APOB: variants seen among roughly 807,000 people sequenced by gnomAD.
The protein encoded by APOB is apolipoprotein B-100.
APOB carries 153 observed loss-of-function variants against 314.1 expected under a neutral mutation model. The ratio of observed to expected loss-of-function variants is 0.49; its 90% CI spans 0.43 to 0.56. The LOEUF is 0.56. Among genes scored for constraint, APOB ranks in the 20% least tolerant of loss-of-function variants. APOB has a pLI of 0.00. For synonymous variants in APOB, 2,087 were observed against 2,036.4 expected, an observed-to-expected ratio of 1.02 and a Z score of -0.67; for missense variants, 5,430 against 5,350.7, an observed-to-expected ratio of 1.01 and a Z score of -0.46.
chr2:21,035,683 C>A lies in APOB; in HGVS notation c.719G>T (p.Ser240Ile). 1 of 1,614,064 alleles carries A rather than the reference C, an allele frequency of 6.2e-7. No homozygotes were observed. The highest frequency in any genetic ancestry group is 8.5e-7 in the Non-Finnish European group (1 of 1,180,020). ...GMTRPLSTLI[S>I]SSQSCQYTLD... The stretch of plus-strand genomic sequence containing the variant: ...TGTGTACTGACAGGACTGGCTGCTG[C>A]TGATCAGAGTTGACAAGGGGCGGGT... The change falls in exon 7 of 29, where the codon AGC becomes ATC. Residue 240 changes from serine to isoleucine, a missense_variant. Transcript: ENST00000233242.
rs967949278 is a variant in APOB at position 21,013,414 on chromosome 2, A to G, written c.3962T>C (p.Leu1321Pro). ...KMLETVRTPA[L>P]HFKSVGFHLP... ...ATGGAATCCCACAGACTTGAAGTGGAGGGCTGGTGTCCTAACAGTCTCTAA... is the reference window on the plus strand; with the variant it reads ...ATGGAATCCCACAGACTTGAAGTGGGGGGCTGGTGTCCTAACAGTCTCTAA... Residue 1321 changes from leucine (L) to proline (P), a missense_variant, in exon 25 of 29, where the codon CTC (leucine) becomes CCC (proline). Coordinates refer to ENST00000233242, the MANE Select transcript of APOB (RefSeq NM_000384.3). 3.1e-6 allele frequency: 5 copies of G among 1,614,220 alleles called. No homozygotes were observed. Among genetic ancestry groups the G allele is most frequent in the Non-Finnish European group, 4.2e-6 (5 of 1,180,044 alleles).
intron 18 of APOB, among the ~76,000 whole-genome samples, chr2:21,020,716 A>G (rs1331045176): frequency 3.3e-5 from 5 of 152,244 alleles, no homozygotes; most frequent in African/African-American, 1.2e-4. Context: ...TTTCTTTGAA[A>G]TAGCACATTT....
chr2:21,013,814 C>A (rs1413606280), intron 24 of APOB, among the ~76,000 whole-genome samples: 3 of 152,178 alleles, frequency 2.0e-5, no homozygotes, highest in Non-Finnish European at 1.5e-5. Flanking sequence ...TCCCTTGCAC[C>A]TTTCTCAAAG....
At chr2:21,017,079 G>A (rs1663498070) in intron 20 of APOB, among the ~76,000 whole-genome samples, 2 of 151,410 alleles carry the variant, frequency 1.3e-5, no homozygotes. Context: ...AGAGGAAAAG[G>A]TAGAGAAACT....
intron 28 of APOB, 48 bp from the exon 29 acceptor site, chr2:21,003,382 T>A: frequency 6.6e-7 from 1 of 1,507,632 alleles, no homozygotes; most frequent in Non-Finnish European, 9.1e-7. Flanking sequence ...TTACTCCAAT[T>A]ACACAATATA....
chr2:21,015,584 C>A, intron 21 of APOB, 39 bp from the exon 22 acceptor site: 1 of 1,597,562 alleles, frequency 6.3e-7, no homozygotes, highest in South Asian at 1.1e-5. Flanking sequence ...ATGATTTTGT[C>A]CTTTCAATGG....
At chr2:21,022,052 C>A (rs189988265) in intron 18 of APOB, among the ~76,000 whole-genome samples, 1 of 152,186 alleles carries the variant, frequency 6.6e-6, no homozygotes, top group Admixed American at 6.5e-5. Flanking sequence ...AACTCTTGGG[C>A]TCAGTTGATC....
chr2:21,044,024 A>G lies in APOB; in HGVS notation c.-79T>C, dbSNP rs535018963. 148 of 719,506 alleles carry G rather than the reference A, an allele frequency of 2.1e-4. 2 individuals are homozygous for G. In the East Asian group the frequency reaches 3.7e-3, roughly 18 times the overall value. The allele number at this position is 719,506 out of a possible 1,614,324, so 44.6% of individuals were successfully genotyped here. ...CCCTGGCTGGCTGGGCGGGCTCCTC[A>G]GCGGCAGCAACCGAGAAGGGCACTC... is the stretch of plus-strand genomic sequence containing the variant. On this transcript the variant is annotated 5_prime_UTR_variant, in exon 1 of 29. Coordinates refer to ENST00000233242, the MANE Select transcript of APOB (RefSeq NM_000384.3).
chr2:21,002,657 G>T lies in APOB; in HGVS notation c.12765C>A (p.Phe4255Leu), dbSNP rs746160756. 6.2e-7 allele frequency: 1 copy of T among 1,613,436 alleles called. No homozygotes were observed. The highest frequency in any genetic ancestry group is 1.3e-5 in the African/African-American group (1 of 74,826). ...YFQDLVITLP[F>L]ELRKHKLIDV... ...CTATTAGTTTATGTTTCCTTAACTC[G>T]AAAGGAAGTGTAATCACTAGGTCTT... Residue 4255 changes from phenylalanine to leucine, a missense_variant, in exon 29 of 29, where the codon TTC becomes TTA. Transcript: ENST00000233242.
chr2:21,016,258 A>G (rs1349768148), intron 21 of APOB, among the ~76,000 whole-genome samples, 181 bp downstream of exon 21: 3 of 152,024 alleles, frequency 2.0e-5, no homozygotes, highest in East Asian at 1.9e-4. Flanking sequence ...ACTGCACTCC[A>G]GCCTGGTGAC....
In APOB at chr2:21,008,056, C is replaced by G; in HGVS notation, c.8812G>C (p.Asp2938His). 1 of 1,614,094 alleles carries G rather than the reference C, an allele frequency of 6.2e-7. No homozygotes were observed. The highest frequency in any genetic ancestry group is 8.5e-7 in the Non-Finnish European group (1 of 1,179,974). Residue 2938 changes from aspartate (D) to histidine (H), a missense_variant, in exon 26 of 29, where the codon GAT (aspartate) becomes CAT (histidine). Physicochemically the swap from Asp to His is moderately conservative, Grantham distance 81. Coordinates refer to ENST00000233242, the MANE Select transcript of APOB (RefSeq NM_000384.3). ...SWKWACPRFS[D>H]EGTHESQISF... The stretch of plus-strand genomic sequence containing the variant: ...ATTTGTGATTCATGTGTTCCCTCAT[C>G]TGAGAATCTGGGGCAGGCCCATTTC...
Position 21,009,199 on chromosome 2 carries a change from C to G in APOB, c.7669G>C (p.Ala2557Pro), listed in dbSNP as rs771384370. Residue 2557 changes from alanine (A) to proline (P), a missense_variant, in exon 26 of 29, where the codon GCT becomes CCT. Coordinates refer to ENST00000233242, the MANE Select transcript of APOB (RefSeq NM_000384.3). ...GCAAAGTCAGTAAGGTTCTTAGCAG[C>G]AAGAGTCCACCAATCAGAAATGTAG... Reference protein sequence around the residue: ...VTYISDWWTLAAKNLTDFAEQ... With the variant: ...VTYISDWWTLPAKNLTDFAEQ... 6.2e-7 allele frequency: 1 copy of G among 1,613,952 alleles called. No homozygotes were observed. The highest frequency in any genetic ancestry group is 2.2e-5 in the East Asian group (1 of 44,892).
In APOB at chr2:21,006,955, G is replaced by T; in HGVS notation, c.9913C>A (p.Pro3305Thr). The change falls in exon 26 of 29, where the codon CCA (proline) becomes ACA (threonine). Residue 3305 changes from proline to threonine, a missense_variant. Coordinates refer to ENST00000233242, the MANE Select transcript of APOB (RefSeq NM_000384.3). Reference protein sequence around the residue: ...YTLILPSLELPVLHVPRNLKL... With the variant: ...YTLILPSLELTVLHVPRNLKL... ...AGATTTCTAGGGACATGAAGGACTG[G>T]CAGCTCTAATGATGGCAGGATTAAT... 1 of 1,614,038 alleles carries T rather than the reference G, an allele frequency of 6.2e-7. No homozygotes were observed. Among genetic ancestry groups the T allele is most frequent in the Non-Finnish European group, 8.5e-7 (1 of 1,179,944 alleles).
chr2:21,013,770 A>G (rs1663400502), intron 24 of APOB, among the ~76,000 whole-genome samples: 2 of 152,220 alleles, frequency 1.3e-5, no homozygotes, highest in Non-Finnish European at 2.9e-5. Flanking sequence ...CACCTAAGTC[A>G]TAGCCAATTT....
At chr2:21,033,991 G>C (rs1663941687) in intron 8 of APOB, among the ~76,000 whole-genome samples, 1 of 152,188 alleles carries the variant, frequency 6.6e-6, no homozygotes, top group Non-Finnish European at 1.5e-5. Flanking sequence ...TTGGTGAGGA[G>C]GTGCTACTGT....
chr2:21,043,477 G>A, intron 2 of APOB, 36 bp downstream of exon 2: 1 of 1,586,374 alleles, frequency 6.3e-7, no homozygotes, highest in South Asian at 1.2e-5. Context: ...GCACGGGGCT[G>A]GGCGCCCTTC....
chr2:21,011,675 G>T lies in APOB; in HGVS notation c.5193C>A (p.Val1731=), dbSNP rs775515832. Residue 1731 remains valine, a synonymous_variant, in exon 26 of 29, where the codon GTC becomes GTA. Transcript: ENST00000233242. ...TTGAGAGCTTAAGTCCTTCTTGACTGACCTTGAAGTTGAAAATGTTTTTGC... is the reference window on the plus strand; with the variant it reads ...TTGAGAGCTTAAGTCCTTCTTGACTTACCTTGAAGTTGAAAATGTTTTTGC... ...VDSKNIFNFK[V]SQEGLKLSND... is the part of the protein sequence containing the mutation. 2 of 1,614,072 alleles carry T rather than the reference G, an allele frequency of 1.2e-6. No homozygotes were observed. The highest frequency in any genetic ancestry group is 1.7e-6 in the Non-Finnish European group (2 of 1,180,046).
At chr2:21,016,334 G>A in intron 21 of APOB, 105 bp downstream of exon 21, 3 of 709,942 alleles carry the variant, frequency 4.2e-6, no homozygotes, top group Non-Finnish European at 7.7e-6. Context: ...TCTGATTGTA[G>A]ACTAGGGGAG....
At position 21,019,017 on chromosome 2, in the gene APOB, G is replaced by C. The variant is rs757565957; in HGVS notation, c.3096C>G (p.Thr1032=). Reference sequence around the variant, plus strand: ...CTTCTGCTTGAGTTACAAACTTCAGGGTATCCACCAAGGCTCTGTCCTCTC... The same window carrying C: ...CTTCTGCTTGAGTTACAAACTTCAGCGTATCCACCAAGGCTCTGTCCTCTC... ...LQREDRALVD[T]LKFVTQAEGA... is the part of the protein sequence containing the mutation. The change falls in exon 20 of 29, where the codon ACC becomes ACG. Residue 1032 remains threonine, a synonymous_variant. Coordinates refer to ENST00000233242, the MANE Select transcript of APOB (RefSeq NM_000384.3). 2 of 1,613,832 alleles carry C rather than the reference G, an allele frequency of 1.2e-6. No individual in the cohort carries two copies. Among genetic ancestry groups the C allele is most frequent in the Non-Finnish European group, 1.7e-6 (2 of 1,179,968 alleles).
Sources: gnomAD v4.1 joint callset for allele counts (sites outside exome capture counted in the v4.1 genomes callset) on GRCh38, gnomAD v4.1.1 for gene constraint, MANE v1.5 for transcripts, NCBI Gene and HGNC (gene_info 2026-07-23, HGNC 2026-07-21) for gene names.